The following IL1RAPL2 variants were observed in gnomAD, a reference collection of about 807,000 sequenced individuals.
The protein encoded by IL1RAPL2 is X-linked interleukin-1 receptor accessory protein-like 2.
Under a neutral mutation model 44.1 loss-of-function variants are expected in IL1RAPL2, and 3 were observed. The ratio of observed to expected loss-of-function variants is 0.07; its 90% confidence interval spans 0.03 to 0.18. The LOEUF (loss-of-function observed/expected upper bound fraction) is 0.18, where lower values mean the gene tolerates loss of function less well. Among genes scored for constraint, IL1RAPL2 ranks in the 10% least tolerant of loss-of-function variants. The probability of loss-of-function intolerance (pLI) is 1.00; values close to 1 mark genes in which losing one functional copy is unlikely to be tolerated. For missense variants in IL1RAPL2, 391 were observed against 496.4 expected, an observed-to-expected ratio of 0.79 and a Z score of 2.02; for synonymous variants, 181 against 178.8, an observed-to-expected ratio of 1.01 and a Z score of -0.10.
chrX:105,645,753 T>C (rs1010038458), intron 6 of IL1RAPL2, among the ~76,000 whole-genome samples: 1 of 111,723 alleles, frequency 9.0e-6, no homozygotes, highest in Non-Finnish European at 1.9e-5. Flanking sequence ...ACATAATGAG[T>C]ATTCAATACA....
intron 1 of IL1RAPL2, among the ~76,000 whole-genome samples, chrX:104,654,036 A>C (rs1205695655): frequency 9.0e-6 from 1 of 110,577 alleles, no homozygotes; most frequent in Non-Finnish European, 1.9e-5. Flanking sequence ...ATAGGGACAA[A>C]AACTTAAAGA....
chrX:105,142,126 A>C, intron 2 of IL1RAPL2, among the ~76,000 whole-genome samples: 1 of 111,530 alleles, frequency 9.0e-6, no homozygotes, highest in Non-Finnish European at 1.9e-5. Flanking sequence ...ACTCTGAAAA[A>C]AAATAAGAAT....
intron 6 of IL1RAPL2, among the ~76,000 whole-genome samples, chrX:105,677,322 A>G (rs193001054): frequency 8.0e-5 from 9 of 112,008 alleles, no homozygotes; most frequent in African/African-American, 2.6e-4. Flanking sequence ...CCACAGTACA[A>G]GTAAAACTTC....
chrX:104,907,983 G>A (rs1218208021), intron 2 of IL1RAPL2, among the ~76,000 whole-genome samples: 2 of 110,261 alleles, frequency 1.8e-5, no homozygotes, highest in Admixed American at 1.9e-4. Context: ...GAATTTGGGT[G>A]CTCCTGTGTT....
At chrX:105,019,149 C>T (rs184596218) in intron 2 of IL1RAPL2, among the ~76,000 whole-genome samples, 270 of 111,883 alleles carry the variant, frequency 2.4e-3, no homozygotes, top group African/African-American at 7.3e-3. Context: ...ACTGGGCAGG[C>T]ATGCAATGGG....
intron 5 of IL1RAPL2, among the ~76,000 whole-genome samples, chrX:105,439,289 G>A (rs1023520711): frequency 3.6e-5 from 4 of 111,285 alleles, no homozygotes; most frequent in African/African-American, 1.3e-4. Context: ...TGTTGGCTCA[G>A]CTCTTGTGTA....
At chrX:104,644,039 A>G (rs926614400) in intron 1 of IL1RAPL2, among the ~76,000 whole-genome samples, 1 of 111,563 alleles carries the variant, frequency 9.0e-6, no homozygotes, top group Non-Finnish European at 1.9e-5. Flanking sequence ...AACAGAGAAG[A>G]TGCCCTTTCA....
At chrX:105,389,278 C>G (rs1248471974) in intron 5 of IL1RAPL2, among the ~76,000 whole-genome samples, 1 of 112,204 alleles carries the variant, frequency 8.9e-6, no homozygotes, top group Non-Finnish European at 1.9e-5. Flanking sequence ...ACAGTTGGCA[C>G]TTAATTTGCC....
chrX:105,227,134 A>G (rs1047509486), intron 3 of IL1RAPL2, among the ~76,000 whole-genome samples: 17 of 107,456 alleles, frequency 1.6e-4, no homozygotes, highest in Non-Finnish European at 2.3e-4. Flanking sequence ...TGACGAGTTA[A>G]TGGGTGCAGC....
At chrX:105,403,944 A>G (rs144504060) in intron 5 of IL1RAPL2, among the ~76,000 whole-genome samples, 2,183 of 111,954 alleles carry the variant, frequency 0.019, 27 homozygotes, top group Non-Finnish European at 0.028. Context: ...ACAAAAATGT[A>G]TTGCTGCCTA....
chrX:104,743,726 C>T (rs1261243114), intron 2 of IL1RAPL2, among the ~76,000 whole-genome samples: 2 of 111,043 alleles, frequency 1.8e-5, no homozygotes, highest in Non-Finnish European at 3.8e-5. Context: ...ACACAGTATG[C>T]ATAGTCTTTC....
At chrX:105,507,398 G>C (rs1045421640) in intron 6 of IL1RAPL2, among the ~76,000 whole-genome samples, 3 of 111,464 alleles carry the variant, frequency 2.7e-5, no homozygotes, top group African/African-American at 6.5e-5. Context: ...ATACTGAGAA[G>C]GTCAAAATAA....
intron 2 of IL1RAPL2, among the ~76,000 whole-genome samples, chrX:104,821,573 A>C (rs1921303525): frequency 8.9e-6 from 1 of 111,794 alleles, no homozygotes; most frequent in South Asian, 3.7e-4. Context: ...AAGGACATGA[A>C]CTCATTCTTT....
chrX:104,942,057 G>T (rs1233473258), intron 2 of IL1RAPL2, among the ~76,000 whole-genome samples: 2 of 111,608 alleles, frequency 1.8e-5, no homozygotes, highest in South Asian at 7.5e-4. Context: ...CCATTGGTCT[G>T]TATCTTTGTT....
At chrX:104,673,134 G>A (rs1930652383) in intron 2 of IL1RAPL2, among the ~76,000 whole-genome samples, 1 of 111,614 alleles carries the variant, frequency 9.0e-6, no homozygotes, top group African/African-American at 3.3e-5. Flanking sequence ...GGCTTTTGTT[G>A]ACATTGCTTT....
intron 2 of IL1RAPL2, among the ~76,000 whole-genome samples, chrX:105,049,908 T>A (rs1445121307): frequency 9.0e-6 from 1 of 111,248 alleles, no homozygotes; most frequent in Non-Finnish European, 1.9e-5. Flanking sequence ...CTACAAGTTC[T>A]TAATTAAAAA....
intron 5 of IL1RAPL2, 131 bp from the exon 6 acceptor site, chrX:105,484,182 T>C (rs1448370392): frequency 9.9e-5 from 50 of 503,673 alleles, no homozygotes; most frequent in Non-Finnish European, 1.4e-4. Flanking sequence ...AAGTAGGAAG[T>C]AGGAACACTG....
At chrX:105,269,338 GT>G (rs1238259992) in intron 5 of IL1RAPL2, among the ~76,000 whole-genome samples, 1 of 110,067 alleles carries the variant, frequency 9.1e-6, no homozygotes, top group African/African-American at 3.3e-5. Context: ...GAGATTCATT[GT>G]TTTTGTCTTT....
At chrX:104,800,531 C>T (rs1932878448) in intron 2 of IL1RAPL2, among the ~76,000 whole-genome samples, 2 of 111,939 alleles carry the variant, frequency 1.8e-5, no homozygotes, top group South Asian at 3.7e-4. Flanking sequence ...TATAGATGTA[C>T]AATTCATTTC....
Sources: gnomAD v4.1 joint callset for allele counts (sites outside exome capture counted in the v4.1 genomes callset) on GRCh38, gnomAD v4.1.1 for gene constraint, MANE v1.5 for transcripts, NCBI Gene and HGNC (gene_info 2026-07-23, HGNC 2026-07-21) for gene names.